ACSF2: variants seen among roughly 807,000 people sequenced by gnomAD.
ACSF2 encodes the protein acyl-CoA synthetase family member 2.
A neutral mutation model predicts 79.3 loss-of-function variants in ACSF2; 52 were observed. The observed-to-expected ratio is 0.66, with a 90% CI of 0.53 to 0.83. ACSF2 has a LOEUF of 0.83. ACSF2 is among the 40% of genes least tolerant of loss of function. ACSF2 has a pLI of 0.00. For synonymous variants in ACSF2, 283 were observed against 312.6 expected (o/e 0.91, Z 1.00); for missense variants, 661 against 803.3 (o/e 0.82, Z 2.14).
At chr17:50,460,933 G>A in intron 2 of ACSF2, 61 bp downstream of exon 2, 1 of 1,537,690 alleles carries the variant, frequency 6.5e-7, no homozygotes, top group Non-Finnish European at 8.8e-7. Flanking sequence ...TGCCCTAGCT[G>A]GGCAGAACCA....
chr17:50,468,630 T>C, intron 10 of ACSF2: 1 of 1,614,176 alleles, frequency 6.2e-7, no homozygotes, highest in Non-Finnish European at 8.5e-7. Flanking sequence ...ACCGGGAAGT[T>C]GTTGCGCTGT....
chr17:50,439,980 CCTT>C (rs999238977), intron 1 of ACSF2, among the ~76,000 whole-genome samples: 1 of 152,022 alleles, frequency 6.6e-6, no homozygotes, highest in Admixed American at 6.6e-5. Context: ...GATTATTTGT[CCTT>C]ATTGATTTGT....
intron 1 of ACSF2, among the ~76,000 whole-genome samples, chr17:50,441,239 G>T (rs943758094): frequency 6.6e-6 from 1 of 152,192 alleles, no homozygotes; most frequent in African/African-American, 2.4e-5. Context: ...GCACGATGTC[G>T]GCTCACTGCA....
Position 50,474,613 on chromosome 17 carries a change from G to A in ACSF2, c.*61G>A. The A allele has an allele frequency of 2.0e-6, 3 of 1,534,644 alleles. No individual in the cohort carries two copies. The highest frequency in any genetic ancestry group is 2.7e-6 in the Non-Finnish European group (3 of 1,109,048). ...ACTCTCTCCTGTCAGAATGCAACCT[G>A]GCTTTATGCACCTAGATGTCCCCAG... On this transcript the variant is annotated 3_prime_UTR_variant, in exon 16 of 16. Transcript: ENST00000300441. This position sits in a 1 kb window ranked among gnomAD's most constrained non-coding sequence, Gnocchi z 4.2.
chr17:50,429,665 G>A (rs7223194), intron 1 of ACSF2, among the ~76,000 whole-genome samples: 11,568 of 151,940 alleles, frequency 0.076, 1,473 homozygotes, highest in African/African-American at 0.26. Context: ...GATTACCGGT[G>A]TGCGCCACCC....
intron 1 of ACSF2, among the ~76,000 whole-genome samples, chr17:50,440,378 C>G (rs571074163): frequency 1.4e-4 from 21 of 152,290 alleles, no homozygotes; most frequent in Admixed American, 5.2e-4. Flanking sequence ...ATTTCCACCC[C>G]CCGACAGGGG....
chr17:50,426,407 G>A lies in ACSF2; in HGVS notation c.128+18G>A. On this transcript the variant is annotated intron_variant, in intron 1 of 15. Transcript: ENST00000300441. ...TTCCTCAGGTACTGGCCCCCCGCGG[G>A]AAGAGAGGGGGCGGGGCAGTTCCCC... 7.6e-7 allele frequency: 1 copy of A among 1,311,732 alleles called. No individual in the cohort carries two copies. The allele number at this position is 1,311,732 out of a possible 1,614,324, so 81.3% of individuals were successfully genotyped here.
chr17:50,465,296 G>A, intron 10 of ACSF2: 2 of 1,614,062 alleles, frequency 1.2e-6, no homozygotes, highest in Non-Finnish European at 1.7e-6. Flanking sequence ...GCCCCCACCT[G>A]TTTAATGGCG....
chr17:50,473,638 C>A, intron 12 of ACSF2, 27 bp from the exon 13 acceptor site: 2 of 1,613,912 alleles, frequency 1.2e-6, no homozygotes, highest in Non-Finnish European at 1.7e-6. Context: ...GCAGAGATGA[C>A]AGGTTGCCCC....
intron 1 of ACSF2, chr17:50,460,147 G>A (rs1043246695): frequency 4.4e-6 from 2 of 455,188 alleles, no homozygotes; most frequent in African/African-American, 2.0e-5. Flanking sequence ...GCCTCTCTTA[G>A]GGCCTCCATC....
Position 50,461,032 on chromosome 17 carries a change from C to A in ACSF2, c.324+160C>A, listed in dbSNP as rs1163412610. The A allele has an allele frequency of 4.5e-6, 5 of 1,116,190 alleles. No individual in the cohort carries two copies. The South Asian group carries it at 4.7e-5, about 10-fold the overall frequency. The allele number at this position is 1,116,190 out of a possible 1,614,324, so 69.1% of individuals were successfully genotyped here. On this transcript the variant is annotated intron_variant, in intron 2 of 15. Coordinates refer to ENST00000300441, the MANE Select transcript of ACSF2 (RefSeq NM_025149.6). The stretch of plus-strand genomic sequence containing the variant: ...AGGAGAAGGAGACAGGACTGACGCA[C>A]AAGGGGTCCAATGCCTCCTGTATCA...
At chr17:50,464,780 T>TG in intron 10 of ACSF2, 1 of 255,852 alleles carries the variant, frequency 3.9e-6, no homozygotes, top group Admixed American at 5.3e-5. Context: ...GGGGGGGGGG[T>TG]CTCAGCAACA....
chr17:50,432,555 C>A (rs1324529141), intron 1 of ACSF2, among the ~76,000 whole-genome samples: 2 of 152,224 alleles, frequency 1.3e-5, no homozygotes, highest in African/African-American at 4.8e-5. Context: ...AACAGGCCAA[C>A]ATGCAGGCTG....
At chr17:50,438,773 G>T (rs2030641341) in intron 1 of ACSF2, among the ~76,000 whole-genome samples, 1 of 151,872 alleles carries the variant, frequency 6.6e-6, no homozygotes, top group Non-Finnish European at 1.5e-5. Flanking sequence ...CACCATATTG[G>T]CCGGGCTGGT....
At chr17:50,427,004 TGACCAGTCCTTGGGAG>T in intron 1 of ACSF2, 1 of 1,535,392 alleles carries the variant, frequency 6.5e-7, no homozygotes, top group Non-Finnish European at 8.7e-7. Flanking sequence ...CTTCCCGGTG[TGACCAGTCCTTGGGAG>T]GACCCCGTGA....
chr17:50,464,578 T>C, intron 10 of ACSF2: 3 of 583,530 alleles, frequency 5.1e-6, no homozygotes, highest in South Asian at 4.6e-5. Context: ...AGCACCGATG[T>C]CCTGCTAGAA....
intron 10 of ACSF2, chr17:50,464,637 C>T (rs1474171242): frequency 2.0e-6 from 1 of 498,226 alleles, no homozygotes; most frequent in Non-Finnish European, 3.9e-6. Context: ...GCTTTAAAAC[C>T]CTTTCTGGAA....
At chr17:50,439,842 G>A (rs2030751586) in intron 1 of ACSF2, among the ~76,000 whole-genome samples, 1 of 152,170 alleles carries the variant, frequency 6.6e-6, no homozygotes, top group Admixed American at 6.5e-5. Context: ...GGGGGTGAAA[G>A]AGTATCTCGT....
chr17:50,435,697 G>A (rs118083526), intron 1 of ACSF2, among the ~76,000 whole-genome samples: 2,270 of 151,888 alleles, frequency 0.015, 34 homozygotes, highest in Non-Finnish European at 0.022. Flanking sequence ...CTTTACAGAC[G>A]TGAGCCACTA....
Sources: allele counts gnomAD v4.1 joint callset (sites outside exome capture counted in the v4.1 genomes callset), GRCh38; gene constraint gnomAD v4.1.1; non-coding constraint Gnocchi (gnomAD v3.1); transcripts MANE v1.5; gene names NCBI Gene and HGNC (gene_info 2026-07-23, HGNC 2026-07-21).